Variants in BIVM observed in about 807,000 individuals in gnomAD.
BIVM encodes the protein basic immunoglobulin-like variable motif-containing protein.
A neutral mutation model predicts 61.4 loss-of-function variants in BIVM; 31 were observed. The observed-to-expected ratio is 0.51, with a 90% CI of 0.38 to 0.68. BIVM has a LOEUF of 0.68. Among genes scored for constraint, BIVM ranks in the 30% least tolerant of loss-of-function variants. BIVM has a pLI of 0.00. For synonymous variants in BIVM, 189 were observed against 210.7 expected, an observed-to-expected ratio of 0.90 and a Z score of 0.89; for missense variants, 526 against 596.0, an observed-to-expected ratio of 0.88 and a Z score of 1.22.
At chr13:102,802,812 C>T (rs1031118616) in intron 1 of BIVM, among the ~76,000 whole-genome samples, 2 of 142,374 alleles carry the variant, frequency 1.4e-5, no homozygotes, top group African/African-American at 5.3e-5. Flanking sequence ...GTGGTGTGAT[C>T]ATAGCTCACT....
At chr13:102,838,894 G>C (rs1881656380) in intron 10 of BIVM, among the ~76,000 whole-genome samples, 155 bp downstream of exon 10, 1 of 152,198 alleles carries the variant, frequency 6.6e-6, no homozygotes, top group African/African-American at 2.4e-5. Context: ...AAAACCCAAG[G>C]GCAAGGGGTA....
At chr13:102,802,550 T>C (rs1878809394) in intron 1 of BIVM, among the ~76,000 whole-genome samples, 1 of 152,178 alleles carries the variant, frequency 6.6e-6, no homozygotes, top group African/African-American at 2.4e-5. Context: ...AATTTACATA[T>C]AGTTTCCAAT....
Position 102,831,576 on chromosome 13 carries a change from C to T in BIVM, c.913C>T (p.Leu305=), listed in dbSNP as rs1881072756. 1 of 1,613,920 alleles carries T rather than the reference C, an allele frequency of 6.2e-7. No individual in the cohort carries two copies. Among genetic ancestry groups the T allele is most frequent in the Non-Finnish European group, 8.5e-7 (1 of 1,180,002 alleles). Residue 305 remains leucine, a synonymous_variant, in exon 8 of 11, where the codon CTG becomes TTG. Coordinates refer to ENST00000257336, the MANE Select transcript of BIVM (RefSeq NM_017693.4). ...KTAGETASGA[L]SKLTRGLKDE... is the part of the protein sequence containing the mutation. ...TTTGTTTTTAATAGCTTCAGGGGCC[C>T]TGTCAAAGTTAACCCGTGGATTGAA...
At position 102,841,284 on chromosome 13, in the gene BIVM, A is replaced by C. The variant is rs1052855108; in HGVS notation, c.*1419A>C. The C allele has an allele frequency of 2.6e-5, 4 of 152,554 alleles. No homozygotes were observed. The highest frequency in any genetic ancestry group is 4.4e-5 in the Non-Finnish European group (3 of 68,016). The allele number at this position is 152,554 out of a possible 1,614,324, so 9.5% of individuals were successfully genotyped here. A position where few individuals can be genotyped will look rare whatever the true frequency, so the allele number is the denominator to read the frequency against. On this transcript the variant is annotated 3_prime_UTR_variant, in exon 11 of 11. Coordinates refer to ENST00000257336, the MANE Select transcript of BIVM (RefSeq NM_017693.4). The stretch of plus-strand genomic sequence containing the variant: ...TGGTAACCATATCGCAATACACCTC[A>C]AGGAAAAGGTTCAGATTTTTATTTT...
At chr13:102,828,497 A>C (rs7329141) in intron 7 of BIVM, among the ~76,000 whole-genome samples, 150,704 of 152,344 alleles carry the variant, frequency 0.99, 74,565 homozygotes, top group Middle Eastern at 1. Context: ...CAGCTTACTG[A>C]AGCACCTCAG....
chr13:102,804,020 G>T (rs1291662793), intron 1 of BIVM, among the ~76,000 whole-genome samples: 1 of 152,222 alleles, frequency 6.6e-6, no homozygotes, highest in East Asian at 1.9e-4. Flanking sequence ...TTTACCAAAA[G>T]AAAGTGAAAG....
chr13:102,799,275 G>A lies in BIVM; in HGVS notation c.-453G>A, dbSNP rs1878582057. 1.2e-5 allele frequency: 3 copies of A among 244,102 alleles called. No individual in the cohort carries two copies. Among genetic ancestry groups the A allele is most frequent in the African/African-American group, 6.7e-5 (3 of 44,782 alleles). The allele number at this position is 244,102 out of a possible 1,614,324, so 15.1% of individuals were successfully genotyped here. ...GAGGCGCAGCTCAGGTTTTTGCGTTGGTCACCCTGCCCTCCGCACGTGGAG... is the reference window on the plus strand; with the variant it reads ...GAGGCGCAGCTCAGGTTTTTGCGTTAGTCACCCTGCCCTCCGCACGTGGAG... On this transcript the variant is annotated 5_prime_UTR_variant, in exon 1 of 11. Transcript: ENST00000257336.
At chr13:102,827,796 C>G (rs1253637168) in intron 7 of BIVM, among the ~76,000 whole-genome samples, 1 of 152,178 alleles carries the variant, frequency 6.6e-6, no homozygotes, top group African/African-American at 2.4e-5. Flanking sequence ...CACGACATTA[C>G]ACGTTACCCT....
At chr13:102,825,020 G>A (rs1049108459) in intron 7 of BIVM, among the ~76,000 whole-genome samples, 1 of 151,842 alleles carries the variant, frequency 6.6e-6, no homozygotes, top group African/African-American at 2.4e-5. Context: ...TTGGCTCACT[G>A]CAAGCTCCAC....
chr13:102,823,002 G>A lies in BIVM; in HGVS notation c.901+843G>A, dbSNP rs149189427. Among the ~76,000 whole-genome samples, 280 of 152,150 alleles carry A rather than the reference G, an allele frequency of 1.8e-3. 1 individual carries two copies. Among genetic ancestry groups the A allele is most frequent in the Non-Finnish European group, 2.6e-3 (177 of 67,988 alleles). On this transcript the variant is annotated intron_variant, in intron 7 of 10. Transcript: ENST00000257336. ...GAGGGTCAAGGGTATGGGGATTCTT[G>A]CTAAAGCCTAACAGACTTCTTGCTA...
Position 102,807,816 on chromosome 13 carries a change from G to T in BIVM, c.478+71G>T. The stretch of plus-strand genomic sequence containing the variant: ...CAAACACTATGTCTTGTTTAATCTT[G>T]CCATTACACATAGTTTCCTTGTATA... On this transcript the variant is annotated intron_variant, in intron 3 of 10. Coordinates refer to ENST00000257336, the MANE Select transcript of BIVM (RefSeq NM_017693.4). This position sits in a 1 kb window ranked among gnomAD's most constrained non-coding sequence, Gnocchi z 4.0. 7.0e-7 allele frequency: 1 copy of T among 1,436,438 alleles called. No individual in the cohort carries two copies. 89.0% of individuals were successfully genotyped at this position (1,436,438 alleles called of 1,614,324 possible).
Position 102,807,344 on chromosome 13 carries a change from A to G in BIVM, c.77A>G (p.Glu26Gly). 1 of 1,614,220 alleles carries G rather than the reference A, an allele frequency of 6.2e-7. No homozygotes were observed. Among genetic ancestry groups the G allele is most frequent in the Non-Finnish European group, 8.5e-7 (1 of 1,180,042 alleles). Residue 26 changes from glutamate to glycine, a missense_variant, in exon 3 of 11, where the codon GAA becomes GGA. Physicochemically the swap from Glu to Gly is moderately conservative, Grantham distance 98. Coordinates refer to ENST00000257336, the MANE Select transcript of BIVM (RefSeq NM_017693.4). The surrounding 1 kb of genome is among the most constrained non-coding windows in gnomAD (Gnocchi z 4.0). Reference protein sequence around the residue: ...GEHKSERKSPEENLQGAVKSF... With the variant: ...GEHKSERKSPGENLQGAVKSF... ...CACAAATCTGAGAGAAAGTCACCTG[A>G]AGAGAATCTACAAGGTGCTGTAAAA...
Position 102,807,263 on chromosome 13 carries a change from A to G in BIVM, c.-5A>G. 1 of 1,595,904 alleles carries G rather than the reference A, an allele frequency of 6.3e-7. No homozygotes were observed. Among genetic ancestry groups the G allele is most frequent in the South Asian group, 1.1e-5 (1 of 89,138 alleles). Reference sequence around the variant, plus strand: ...CTAGTAATAGAAACTTTTACACTGCATTCAATGCCTAACGTTGCAGAAACA... The same window carrying G: ...CTAGTAATAGAAACTTTTACACTGCGTTCAATGCCTAACGTTGCAGAAACA... On this transcript the variant is annotated 5_prime_UTR_variant, in exon 3 of 11. Coordinates refer to ENST00000257336, the MANE Select transcript of BIVM (RefSeq NM_017693.4). This position sits in a 1 kb window ranked among gnomAD's most constrained non-coding sequence, Gnocchi z 4.0.
intron 1 of BIVM, among the ~76,000 whole-genome samples, chr13:102,799,981 G>A (rs930400853): frequency 6.6e-6 from 1 of 152,248 alleles, no homozygotes; most frequent in African/African-American, 2.4e-5. Flanking sequence ...CTGGGCCGCC[G>A]CCAGGAGTCA....
chr13:102,828,733 T>TAA (rs10687359), intron 7 of BIVM, among the ~76,000 whole-genome samples: 138,573 of 152,156 alleles, frequency 0.91, 64,539 homozygotes, highest in East Asian at 1. Flanking sequence ...CAGTTGTATT[T>TAA]AAGATGTCAG....
intron 3 of BIVM, among the ~76,000 whole-genome samples, chr13:102,808,427 T>A (rs1879250271): frequency 6.6e-6 from 1 of 152,096 alleles, no homozygotes; most frequent in South Asian, 2.1e-4. Flanking sequence ...AGTTGCAGAG[T>A]TAATAAGAGG....
chr13:102,806,100 G>A (rs1879058368), intron 2 of BIVM, among the ~76,000 whole-genome samples: 1 of 152,100 alleles, frequency 6.6e-6, no homozygotes, highest in Non-Finnish European at 1.5e-5. Context: ...ATTTCCATTA[G>A]CAATGTATGA....
Position 102,811,200 on chromosome 13 carries a change from A to C in BIVM, c.478+3455A>C, listed in dbSNP as rs191167572. Among the ~76,000 whole-genome samples the C allele has an allele frequency of 1.4e-3, 217 of 152,340 alleles. 4 individuals carry two copies. Among genetic ancestry groups the C allele is most frequent in the Admixed American group, 0.014 (207 of 15,304 alleles). On this transcript the variant is annotated intron_variant, in intron 3 of 10. Coordinates refer to ENST00000257336, the MANE Select transcript of BIVM (RefSeq NM_017693.4). ...TTATTTCTTCCTATGGCTTTGAGGT[A>C]CTAGCTAATGTCCTTTCATTTCAAC... is the stretch of plus-strand genomic sequence containing the variant.
chr13:102,810,450 T>G (rs1010163331), intron 3 of BIVM, among the ~76,000 whole-genome samples: 8 of 152,262 alleles, frequency 5.3e-5, no homozygotes, highest in African/African-American at 1.9e-4. Context: ...ATTCTGCCAG[T>G]CTCTATGTTT....
Sources: gnomAD v4.1 joint callset for allele counts (sites outside exome capture counted in the v4.1 genomes callset) on GRCh38, gnomAD v4.1.1 for gene constraint, Gnocchi (gnomAD v3.1) non-coding constraint, MANE v1.5 for transcripts, NCBI Gene and HGNC (gene_info 2026-07-23, HGNC 2026-07-21) for gene names.